Variants in PCDHGA11 observed in about 807,000 individuals in gnomAD.
The protein encoded by PCDHGA11 is protocadherin gamma-A11.
PCDHGA11 carries 39 observed loss-of-function variants against 60.4 expected under a neutral mutation model. That is an observed-to-expected ratio of 0.65 (90% CI 0.50 to 0.84). PCDHGA11 has a LOEUF of 0.84. PCDHGA11 is among the 40% of genes least tolerant of loss of function. The pLI is 0.00. For synonymous variants in PCDHGA11, 533 were observed against 510.3 expected, an observed-to-expected ratio of 1.04 and a Z score of -0.60; for missense variants, 1,165 against 1,197.7, an observed-to-expected ratio of 0.97 and a Z score of 0.40.
Position 141,497,143 on chromosome 5 carries a change from G to GA in PCDHGA11, c.2492+2287dup, listed in dbSNP as rs928640875. ...AGAGGTTGCAGTGAGCTGAGATCAC[G>GA]AAAAAAAAATAATCTAGCCACAAAT... On this transcript the variant is annotated intron_variant, in intron 2 of 3. Coordinates refer to ENST00000398587, the MANE Select transcript of PCDHGA11 (RefSeq NM_018914.3). 1.3e-3 allele frequency among the ~76,000 whole-genome samples: 194 copies of GA among 150,104 alleles called. 4 individuals are homozygous for GA. The highest frequency in any genetic ancestry group is 7.6e-3 in the Admixed American group (115 of 15,100).
In PCDHGA11 at chr5:141,489,610, C is replaced by A; in HGVS notation, c.2434-5197C>A. 6.2e-7 allele frequency: 1 copy of A among 1,614,090 alleles called. No individual in the cohort carries two copies. Among genetic ancestry groups the A allele is most frequent in the Non-Finnish European group, 8.5e-7 (1 of 1,179,990 alleles). ...GCTAATCCGTGTAGAGGTAGAGATCCTGGATCTCAATGACAACTCTCCTAG... is the reference window on the plus strand; with the variant it reads ...GCTAATCCGTGTAGAGGTAGAGATCATGGATCTCAATGACAACTCTCCTAG... On this transcript the variant is annotated intron_variant, in intron 1 of 3. Transcript: ENST00000398587. The surrounding 1 kb of genome is among the most constrained non-coding windows in gnomAD (Gnocchi z 4.5).
rs200576950 is a variant in PCDHGA11 at position 141,477,475 on chromosome 5, C to T, written c.2434-17332C>T. The T allele has an allele frequency of 1.2e-6, 2 of 1,614,124 alleles. No individual in the cohort carries two copies. Among genetic ancestry groups the T allele is most frequent in the African/African-American group, 2.7e-5 (2 of 75,010 alleles). ...TTCAAGTGTCCGACATCAATGACAACCCTCCACAATCTTCTCAATCTTCCT... is the reference window on the plus strand; with the variant it reads ...TTCAAGTGTCCGACATCAATGACAATCCTCCACAATCTTCTCAATCTTCCT... On this transcript the variant is annotated intron_variant, in intron 1 of 3. Transcript: ENST00000398587. The surrounding 1 kb of genome is among the most constrained non-coding windows in gnomAD (Gnocchi z 4.9).
chr5:141,467,233 A>G (rs1009794220), intron 1 of PCDHGA11, among the ~76,000 whole-genome samples: 1 of 151,564 alleles, frequency 6.6e-6, no homozygotes, highest in South Asian at 2.1e-4. Flanking sequence ...TTGTATTTTT[A>G]GTAGAGATGG....
intron 1 of PCDHGA11, among the ~76,000 whole-genome samples, chr5:141,470,825 C>A (rs557419577): frequency 6.6e-6 from 1 of 152,182 alleles, no homozygotes; most frequent in Admixed American, 6.5e-5. Context: ...GTAGTTAGGA[C>A]GACAAACACA....
Position 141,487,532 on chromosome 5 carries a change from A to T in PCDHGA11, c.2434-7275A>T. 6.2e-7 allele frequency: 1 copy of T among 1,614,158 alleles called. No homozygotes were observed. The highest frequency in any genetic ancestry group is 8.5e-7 in the Non-Finnish European group (1 of 1,180,022). ...ACCCACTCGGAGTGATAGCTTCATG[A>T]TGGTGAAGTCACCCAGTGCACCTAT... is the stretch of plus-strand genomic sequence containing the variant. On this transcript the variant is annotated intron_variant, in intron 1 of 3. Transcript: ENST00000398587. This position sits in a 1 kb window ranked among gnomAD's most constrained non-coding sequence, Gnocchi z 5.0.
chr5:141,489,381 T>A lies in PCDHGA11; in HGVS notation c.2434-5426T>A. 1 of 1,613,894 alleles carries A rather than the reference T, an allele frequency of 6.2e-7. No homozygotes were observed. The highest frequency in any genetic ancestry group is 8.5e-7 in the Non-Finnish European group (1 of 1,179,802). ...CTGAGCCGGGGACGCTGGTGGGGAATGTTGCTCAGGATCTGGGCTTAAAGA... is the reference window on the plus strand; with the variant it reads ...CTGAGCCGGGGACGCTGGTGGGGAAAGTTGCTCAGGATCTGGGCTTAAAGA... On this transcript the variant is annotated intron_variant, in intron 1 of 3. Transcript: ENST00000398587. The surrounding 1 kb of genome is among the most constrained non-coding windows in gnomAD (Gnocchi z 4.5).
In PCDHGA11 at chr5:141,477,629, C is replaced by A. The variant is rs1191573380; in HGVS notation, c.2434-17178C>A. The A allele has an allele frequency of 6.2e-7, 1 of 1,614,040 alleles. No individual in the cohort carries two copies. The highest frequency in any genetic ancestry group is 8.5e-7 in the Non-Finnish European group (1 of 1,180,040). ...CTTGGAGCAAGGAGCTGAAACCGGGCTAGTGGGTCGCTATTTCACAATAAA... is the reference window on the plus strand; with the variant it reads ...CTTGGAGCAAGGAGCTGAAACCGGGATAGTGGGTCGCTATTTCACAATAAA... On this transcript the variant is annotated intron_variant, in intron 1 of 3. Coordinates refer to ENST00000398587, the MANE Select transcript of PCDHGA11 (RefSeq NM_018914.3). The surrounding 1 kb of genome is among the most constrained non-coding windows in gnomAD (Gnocchi z 4.9).
intron 1 of PCDHGA11, chr5:141,428,184 C>G: frequency 6.8e-7 from 1 of 1,463,674 alleles, no homozygotes; most frequent in Middle Eastern, 1.7e-4. Flanking sequence ...GGAGGACAGC[C>G]GCCGCTCTCT....
At position 141,478,876 on chromosome 5, in the gene PCDHGA11, C is replaced by A. The variant is rs2099482470; in HGVS notation, c.2434-15931C>A. 30 of 1,265,748 alleles carry A rather than the reference C, an allele frequency of 2.4e-5. No individual in the cohort carries two copies. The South Asian group carries it at 4.7e-4, about 20-fold the overall frequency. 78.4% of individuals were successfully genotyped at this position (1,265,748 alleles called of 1,614,324 possible). On this transcript the variant is annotated intron_variant, in intron 1 of 3. Transcript: ENST00000398587. ...CAAGATCTCAGCGATCAGAGTTTAGCTTGGTATCATTTACATTAGGAATAA... is the reference window on the plus strand; with the variant it reads ...CAAGATCTCAGCGATCAGAGTTTAGATTGGTATCATTTACATTAGGAATAA...
At position 141,421,621 on chromosome 5, in the gene PCDHGA11, C is replaced by T. The variant is rs2154549322; in HGVS notation, c.394C>T (p.Pro132Ser). ...AATAATAGATATTAATGATAACGCC[C>T]CCAGCTTCCAGGAGGACGAAGTGGA... ...VEIIDINDNA[P>S]SFQEDEVEIK... Residue 132 changes from proline to serine, a missense_variant, in exon 1 of 4, where the codon CCC (proline) becomes TCC (serine). By Grantham distance (74) the Pro-to-Ser change is moderately conservative. Coordinates refer to ENST00000398587, the MANE Select transcript of PCDHGA11 (RefSeq NM_018914.3). 6.2e-7 allele frequency: 1 copy of T among 1,613,772 alleles called. No individual in the cohort carries two copies. Among genetic ancestry groups the T allele is most frequent in the Non-Finnish European group, 8.5e-7 (1 of 1,179,802 alleles).
intron 1 of PCDHGA11, among the ~76,000 whole-genome samples, chr5:141,451,138 A>T (rs1348825654): frequency 6.6e-6 from 1 of 152,242 alleles, no homozygotes; most frequent in East Asian, 1.9e-4. Flanking sequence ...TTATGATTGT[A>T]TTTAGACTAG....
intron 1 of PCDHGA11, among the ~76,000 whole-genome samples, chr5:141,453,993 A>T (rs2098779172): frequency 6.6e-6 from 1 of 152,234 alleles, no homozygotes; most frequent in African/African-American, 2.4e-5. Flanking sequence ...CCAGTGATAA[A>T]CCCACATAAC....
rs1009141449 is a variant in PCDHGA11, at chr5:141,491,922, G to A, written c.2434-2885G>A. 2 of 1,349,026 alleles carry A rather than the reference G, an allele frequency of 1.5e-6. No individual in the cohort carries two copies. Among genetic ancestry groups the A allele is most frequent in the African/African-American group, 1.5e-5 (1 of 67,598 alleles). The allele number at this position is 1,349,026 out of a possible 1,614,324, so 83.6% of individuals were successfully genotyped here. On this transcript the variant is annotated intron_variant, in intron 1 of 3. Coordinates refer to ENST00000398587, the MANE Select transcript of PCDHGA11 (RefSeq NM_018914.3). The surrounding 1 kb of genome is among the most constrained non-coding windows in gnomAD (Gnocchi z 6.9). ...CGGGGGTGGTGGCGACTGTGGGCGAGGGGAGGTGGGACCGACCCCCACCCC... is the reference window on the plus strand; with the variant it reads ...CGGGGGTGGTGGCGACTGTGGGCGAAGGGAGGTGGGACCGACCCCCACCCC...
chr5:141,428,186 C>CCGCTCTCTG, intron 1 of PCDHGA11: 2 of 1,460,956 alleles, frequency 1.4e-6, no homozygotes, highest in Non-Finnish European at 1.9e-6. Flanking sequence ...AGGACAGCCG[C>CCGCTCTCTG]CGCTCTCTGC....
rs1282403944 is a variant in PCDHGA11 at position 141,485,452 on chromosome 5, G to A, written c.2434-9355G>A. ...TCATCAAGAACCCAATCGACCGAGA[G>A]GCACTGTGTGGGCTCAGTGCCAGCT... On this transcript the variant is annotated intron_variant, in intron 1 of 3. Transcript: ENST00000398587. The surrounding 1 kb of genome is among the most constrained non-coding windows in gnomAD (Gnocchi z 5.7). 2.5e-6 allele frequency: 4 copies of A among 1,614,054 alleles called. No individual in the cohort carries two copies. Among genetic ancestry groups the A allele is most frequent in the East Asian group, 4.5e-5 (2 of 44,884 alleles).
rs1226194073 is a variant in PCDHGA11, at chr5:141,490,496, A to G, written c.2434-4311A>G. The G allele has an allele frequency of 6.2e-7, 1 of 1,614,096 alleles. No individual in the cohort carries two copies. Among genetic ancestry groups the G allele is most frequent in the East Asian group, 2.2e-5 (1 of 44,894 alleles). On this transcript the variant is annotated intron_variant, in intron 1 of 3. Coordinates refer to ENST00000398587, the MANE Select transcript of PCDHGA11 (RefSeq NM_018914.3). The surrounding 1 kb of genome is among the most constrained non-coding windows in gnomAD (Gnocchi z 5.4). ...CCTTTGGACCGGGAGGCCACATCCCACTATATCATCGAGCTGCTGGCCAGC... is the reference window on the plus strand; with the variant it reads ...CCTTTGGACCGGGAGGCCACATCCCGCTATATCATCGAGCTGCTGGCCAGC...
chr5:141,421,647 G>C lies in PCDHGA11; in HGVS notation c.420G>C (p.Glu140Asp). The part of the protein sequence containing the change: ...NAPSFQEDEV[E>D]IKVSEHAIPG... ...CCAGCTTCCAGGAGGACGAAGTGGA[G>C]ATAAAAGTCAGTGAGCACGCAATTC... The change falls in exon 1 of 4, where the codon GAG (glutamate) becomes GAC (aspartate). Residue 140 changes from glutamate to aspartate, a missense_variant. Physicochemically the swap from Glu to Asp is conservative, Grantham distance 45. Transcript: ENST00000398587. 1 of 1,613,872 alleles carries C rather than the reference G, an allele frequency of 6.2e-7. No individual in the cohort carries two copies. The highest frequency in any genetic ancestry group is 1.1e-5 in the South Asian group (1 of 91,080).
At chr5:141,441,635 G>T in intron 1 of PCDHGA11, 1 of 226,720 alleles carries the variant, frequency 4.4e-6, no homozygotes, top group Non-Finnish European at 8.9e-6. Flanking sequence ...TGGAGCCACA[G>T]GCGCTGTGAT....
At position 141,423,184 on chromosome 5, in the gene PCDHGA11, C is replaced by A. The variant is rs747938944; in HGVS notation, c.1957C>A (p.Pro653Thr). Residue 653 changes from proline (P) to threonine (T), a missense_variant, in exon 1 of 4, where the codon CCC becomes ACC. By Grantham distance (38) the Pro-to-Thr change is conservative. Transcript: ENST00000398587. ...LVVAVQDHGQ[P>T]PLSATVTLTV... The stretch of plus-strand genomic sequence containing the variant: ...GGTGGCCGTCCAGGACCACGGCCAG[C>A]CCCCTCTCTCGGCCACCGTCACGCT... 1 of 1,613,442 alleles carries A rather than the reference C, an allele frequency of 6.2e-7. No homozygotes were observed. The highest frequency in any genetic ancestry group is 1.1e-5 in the South Asian group (1 of 91,070).
Sources: allele counts gnomAD v4.1 joint callset (sites outside exome capture counted in the v4.1 genomes callset), GRCh38; gene constraint gnomAD v4.1.1; non-coding constraint Gnocchi (gnomAD v3.1); transcripts MANE v1.5; gene names NCBI Gene and HGNC (gene_info 2026-07-23, HGNC 2026-07-21).